The following TMEM260 variants were observed in gnomAD, a reference collection of about 807,000 sequenced individuals.
TMEM260 encodes protein O-mannosyl-transferase TMEM260.
Under a neutral mutation model 88.9 loss-of-function variants are expected in TMEM260, and 82 were observed. That is an observed-to-expected ratio of 0.92 (90% CI 0.77 to 1.11). The LOEUF is 1.11. Ranked by LOEUF, TMEM260 falls within the 50% of genes least tolerant of loss-of-function variation. The probability of loss-of-function intolerance (pLI) is 0.00; values close to 1 mark genes in which losing one functional copy is unlikely to be tolerated. For synonymous variants in TMEM260, 314 were observed against 309.3 expected, an observed-to-expected ratio of 1.02 and a Z score of -0.16; for missense variants, 902 against 853.4, an observed-to-expected ratio of 1.06 and a Z score of -0.71.
chr14:56,635,091 C>T lies in TMEM260; in HGVS notation c.1778+139C>T, dbSNP rs180973164. 1.1e-5 allele frequency: 8 copies of T among 700,616 alleles called. No individual in the cohort carries two copies. In the Admixed American group the frequency reaches 1.8e-4, roughly 16 times the overall value. 43.4% of individuals were successfully genotyped at this position (700,616 alleles called of 1,614,324 possible). On this transcript the variant is annotated intron_variant, in intron 14 of 15. Coordinates refer to ENST00000261556, the MANE Select transcript of TMEM260 (RefSeq NM_017799.4). ...TATGAGCAATTATGTTTTTGAGGCA[C>T]TGTACTAATCATTATACATGAATAT...
intron 4 of TMEM260, 89 bp downstream of exon 4, chr14:56,604,081 A>T: frequency 1.6e-6 from 2 of 1,268,426 alleles, no homozygotes; most frequent in Non-Finnish European, 2.1e-6. Context: ...AATACCTTTT[A>T]TCTATTCTGA....
chr14:56,610,606 A>C (rs1887198106), intron 6 of TMEM260, among the ~76,000 whole-genome samples: 1 of 152,194 alleles, frequency 6.6e-6, no homozygotes, highest in Non-Finnish European at 1.5e-5. Flanking sequence ...TTTGACCCTT[A>C]AAGATGTATT....
intron 7 of TMEM260, among the ~76,000 whole-genome samples, chr14:56,614,540 A>T (rs1297892694): frequency 6.6e-6 from 1 of 152,172 alleles, no homozygotes; most frequent in East Asian, 1.9e-4. Context: ...ATTTTGTCTT[A>T]GCAAACCCTA....
chr14:56,631,719 T>A (rs1888618240), intron 12 of TMEM260, among the ~76,000 whole-genome samples: 1 of 152,000 alleles, frequency 6.6e-6, no homozygotes, highest in African/African-American at 2.4e-5. Context: ...CCCTAGAAGG[T>A]CATACCGGTT....
At chr14:56,617,955 T>G (rs1193071174) in intron 9 of TMEM260, among the ~76,000 whole-genome samples, 1 of 152,132 alleles carries the variant, frequency 6.6e-6, no homozygotes, top group African/African-American at 2.4e-5. Flanking sequence ...GCAGCTTATA[T>G]CTGTAGCCAA....
chr14:56,584,359 A>G (rs552118580), intron 1 of TMEM260, among the ~76,000 whole-genome samples: 1 of 152,282 alleles, frequency 6.6e-6, no homozygotes, highest in South Asian at 2.1e-4. Context: ...ACAAATAGGC[A>G]TCAAATTACT....
intron 11 of TMEM260, among the ~76,000 whole-genome samples, chr14:56,623,797 A>T (rs1293320366): frequency 6.6e-6 from 1 of 152,224 alleles, no homozygotes; most frequent in Non-Finnish European, 1.5e-5. Flanking sequence ...GTTTAGACTT[A>T]GATTAAAATT....
intron 4 of TMEM260, among the ~76,000 whole-genome samples, chr14:56,605,359 A>C (rs1428434025): frequency 3.3e-5 from 5 of 152,208 alleles, no homozygotes. Flanking sequence ...TTTAAGATCA[A>C]ATTGCAATTA....
chr14:56,596,257 T>C (rs1886197914), intron 3 of TMEM260, among the ~76,000 whole-genome samples: 2 of 151,996 alleles, frequency 1.3e-5, no homozygotes, highest in South Asian at 4.1e-4. Context: ...AGAAACCATT[T>C]CTACTTGGAG....
chr14:56,646,902 G>A (rs542165387), intron 15 of TMEM260, among the ~76,000 whole-genome samples: 4 of 150,550 alleles, frequency 2.7e-5, no homozygotes, highest in Admixed American at 6.6e-5. Context: ...CAACCCTTCT[G>A]CCTGTTGAGT....
intron 12 of TMEM260, 35 bp downstream of exon 12, chr14:56,625,565 A>G (rs1450690371): frequency 9.8e-6 from 15 of 1,531,884 alleles, no homozygotes; most frequent in Non-Finnish European, 1.3e-5. Flanking sequence ...CTTTTCTAAA[A>G]TCTTAAGCTT....
chr14:56,610,082 A>T (rs1322426395), intron 6 of TMEM260, among the ~76,000 whole-genome samples: 1 of 152,144 alleles, frequency 6.6e-6, no homozygotes, highest in East Asian at 1.9e-4. Flanking sequence ...AAGTAGTAGA[A>T]CTATATATTT....
At chr14:56,599,728 A>C (rs959208331) in intron 3 of TMEM260, among the ~76,000 whole-genome samples, 1 of 152,206 alleles carries the variant, frequency 6.6e-6, no homozygotes, top group African/African-American at 2.4e-5. Flanking sequence ...ACAAAAACAA[A>C]CAACCTCCTG....
At position 56,619,721 on chromosome 14, in the gene TMEM260, T is replaced by G. The variant is rs80091906; in HGVS notation, c.1226+958T>G. ...CTGGTATTATTTTAAAGGATTACAT[T>G]TTCTCTTTTAACTTAACTTTAAAAA... On this transcript the variant is annotated intron_variant, in intron 10 of 15. Transcript: ENST00000261556. Among the ~76,000 whole-genome samples the G allele has an allele frequency of 4.9e-3, 739 of 152,290 alleles. 5 individuals are homozygous for G. In the East Asian group the frequency reaches 0.061, roughly 13 times the overall value.
chr14:56,618,878 C>T, intron 10 of TMEM260, 115 bp downstream of exon 10: 2 of 1,056,330 alleles, frequency 1.9e-6, no homozygotes, highest in Non-Finnish European at 2.7e-6. Context: ...CAAAGTGAGA[C>T]AGCTTGGTTG....
In TMEM260 at chr14:56,585,836, A is replaced by T; in HGVS notation, c.268A>T (p.Ile90Phe). The part of the protein sequence containing the change: ...LAITLFPFGS[I>F]AYRVNLLCGL... ...AATTACACTGTTTCCTTTTGGTTCAATTGCCTACCGCGTCAATCTTCTCTG... is the reference window on the plus strand; with the variant it reads ...AATTACACTGTTTCCTTTTGGTTCATTTGCCTACCGCGTCAATCTTCTCTG... The change falls in exon 3 of 16, where the codon ATT becomes TTT. Residue 90 changes from isoleucine to phenylalanine, a missense_variant. Transcript: ENST00000261556. 1 of 1,613,496 alleles carries T rather than the reference A, an allele frequency of 6.2e-7. No individual in the cohort carries two copies. Among genetic ancestry groups the T allele is most frequent in the African/African-American group, 1.3e-5 (1 of 74,900 alleles).
In TMEM260 at chr14:56,615,967, C is replaced by T; in HGVS notation, c.881C>T (p.Thr294Ile). Reference protein sequence around the residue: ...ILLSQVTNMRTELSFNIQALA... With the variant: ...ILLSQVTNMRIELSFNIQALA... ...AGTTCTCAAGTAACAAATATGAGGACCGAACTCTCATTCAACATCCAAGCC... is the reference window on the plus strand; with the variant it reads ...AGTTCTCAAGTAACAAATATGAGGATCGAACTCTCATTCAACATCCAAGCC... Residue 294 changes from threonine (T) to isoleucine (I), a missense_variant, in exon 8 of 16, where the codon ACC becomes ATC. Physicochemically the swap from Thr to Ile is moderately conservative, Grantham distance 89. Coordinates refer to ENST00000261556, the MANE Select transcript of TMEM260 (RefSeq NM_017799.4). The T allele has an allele frequency of 6.2e-7, 1 of 1,613,150 alleles. No homozygotes were observed. Among genetic ancestry groups the T allele is most frequent in the East Asian group, 2.2e-5 (1 of 44,798 alleles).
chr14:56,598,655 A>G (rs749743502), intron 3 of TMEM260, among the ~76,000 whole-genome samples: 1 of 152,250 alleles, frequency 6.6e-6, no homozygotes, highest in Non-Finnish European at 1.5e-5. Flanking sequence ...AATTAACTGA[A>G]GACTTTCAAA....
intron 8 of TMEM260, chr14:56,616,295 A>G (rs1321483045): frequency 1.4e-5 from 4 of 281,116 alleles, no homozygotes; most frequent in Admixed American, 4.9e-5. Flanking sequence ...TAACTCTGCT[A>G]TAACCGATTA....
Sources: allele counts gnomAD v4.1 joint callset (sites outside exome capture counted in the v4.1 genomes callset), GRCh38; gene constraint gnomAD v4.1.1; transcripts MANE v1.5; gene names NCBI Gene and HGNC (gene_info 2026-07-23, HGNC 2026-07-21).